The following NT5C1B variants were observed in gnomAD, a reference collection of about 807,000 sequenced individuals.
NT5C1B encodes the protein 5'-nucleotidase, cytosolic IB, also known as cytosolic 5'-nucleotidase 1B.
NT5C1B carries 44 observed loss-of-function variants against 57.8 expected under a neutral mutation model. The ratio of observed to expected loss-of-function variants is 0.76; its 90% CI spans 0.60 to 0.98. NT5C1B has a LOEUF of 0.98. NT5C1B is among the 50% of genes least tolerant of loss of function. The probability of loss-of-function intolerance (pLI) is 0.00; values close to 1 mark genes in which losing one functional copy is unlikely to be tolerated. For missense variants in NT5C1B, 742 were observed against 719.5 expected (o/e 1.03, Z -0.36); for synonymous variants, 284 against 282.6 (o/e 1.00, Z -0.05).
At chr2:18,581,815 G>A (rs1263686520) in intron 6 of NT5C1B, among the ~76,000 whole-genome samples, 1 of 152,118 alleles carries the variant, frequency 6.6e-6, no homozygotes, top group Non-Finnish European at 1.5e-5. Flanking sequence ...ACGGAGATAC[G>A]AATTGCTTTC....
Position 18,584,498 on chromosome 2 carries a change from C to A in NT5C1B, c.723+16G>T, listed in dbSNP as rs557964570. On this transcript the variant is annotated intron_variant, in intron 4 of 8. Transcript: ENST00000304081. The surrounding 1 kb of genome is among the most constrained non-coding windows in gnomAD (Gnocchi z 5.8). Reference sequence around the variant, plus strand: ...GGAAGGGCGCCCCGGCTGCCAGGGGCGGCGGGCTGGCTCACCGGCCAGGGG... The same window carrying A: ...GGAAGGGCGCCCCGGCTGCCAGGGGAGGCGGGCTGGCTCACCGGCCAGGGG... The A allele has an allele frequency of 4.2e-5, 68 of 1,601,754 alleles. 1 individual carries two copies. The South Asian group carries it at 6.9e-4, about 16-fold the overall frequency.
chr2:18,571,845 T>G (rs909927637), intron 8 of NT5C1B, among the ~76,000 whole-genome samples: 6 of 149,140 alleles, frequency 4.0e-5, no homozygotes, highest in African/African-American at 1.5e-4. Context: ...CTCATGCCTG[T>G]AATCCCAGCA....
At position 18,584,655 on chromosome 2, in the gene NT5C1B, G is replaced by C. The variant is rs1290329523; in HGVS notation, c.582C>G (p.Pro194=). Residue 194 remains proline (P), a synonymous_variant, in exon 4 of 9, where the codon CCC becomes CCG. Coordinates refer to ENST00000304081, the Ensembl canonical transcript of NT5C1B. This position sits in a 1 kb window ranked among gnomAD's most constrained non-coding sequence, Gnocchi z 5.8. ...AGTTGCGGTCCAGCTGGGTGGAGGC[G>C]GGGTAGATCCCCCTGCGCTGGCTGG... The C allele has an allele frequency of 3.7e-6, 6 of 1,613,028 alleles. No individual in the cohort carries two copies. The highest frequency in any genetic ancestry group is 5.1e-6 in the Non-Finnish European group (6 of 1,179,566).
Position 18,582,917 on chromosome 2 carries a change from A to G in NT5C1B, c.972T>C (p.Asn324=), listed in dbSNP as rs145263582. Residue 324 remains asparagine, a synonymous_variant, in exon 6 of 9, where the codon AAT becomes AAC. Coordinates refer to ENST00000304081, the Ensembl canonical transcript of NT5C1B. ...GCCGCACTCCCACTTGGGCATGGTT[A>G]TTAGTCATCAGTACAATATCAAATA... is the stretch of plus-strand genomic sequence containing the variant. 4 of 1,613,960 alleles carry G rather than the reference A, an allele frequency of 2.5e-6. No individual in the cohort carries two copies. The African/African-American group carries it at 4.0e-5, about 16-fold the overall frequency.
At chr2:18,580,232 T>C (rs1220700118) in intron 6 of NT5C1B, among the ~76,000 whole-genome samples, 1 of 152,322 alleles carries the variant, frequency 6.6e-6, no homozygotes, top group South Asian at 2.1e-4. Context: ...TGCAGATTTC[T>C]CAACGAATTT....
chr2:18,576,767 T>G lies in NT5C1B; in HGVS notation c.1144+6A>C. On this transcript the variant is annotated splice_donor_region_variant and intron_variant, in intron 7 of 8. Coordinates refer to ENST00000304081, the Ensembl canonical transcript of NT5C1B. ...ATTAACTAGAGGAATAAAATCAGAC[T>G]AATACCTTCTTGTATTGCCTCTTGC... The G allele has an allele frequency of 6.2e-7, 1 of 1,613,392 alleles. No individual in the cohort carries two copies. The highest frequency in any genetic ancestry group is 1.1e-5 in the South Asian group (1 of 90,912).
chr2:18,581,548 A>G (rs948902503), intron 6 of NT5C1B, among the ~76,000 whole-genome samples: 1 of 152,024 alleles, frequency 6.6e-6, no homozygotes. Context: ...GGTCAGGTCC[A>G]TTAACTGTCT....
chr2:18,575,441 CTT>C (rs1665589035), intron 8 of NT5C1B, among the ~76,000 whole-genome samples: 1 of 151,948 alleles, frequency 6.6e-6, no homozygotes, highest in African/African-American at 2.4e-5. Context: ...TTAAGTTTAA[CTT>C]AAGTTCAGGA....
intron 3 of NT5C1B, chr2:18,585,204 A>G (rs1666590937): frequency 1.5e-5 from 12 of 777,250 alleles, no homozygotes; most frequent in South Asian, 4.1e-5. Flanking sequence ...TAGCTTCCCC[A>G]TAAGCATTTC....
At chr2:18,575,403 T>C (rs1462755226) in intron 8 of NT5C1B, among the ~76,000 whole-genome samples, 1 of 152,100 alleles carries the variant, frequency 6.6e-6, no homozygotes, top group Admixed American at 6.5e-5. Context: ...ATTCATACTT[T>C]TATGAATTTA....
At chr2:18,572,883 T>G (rs79057738) in intron 8 of NT5C1B, among the ~76,000 whole-genome samples, 7,736 of 152,280 alleles carry the variant, frequency 0.051, 318 homozygotes, top group Admixed American at 0.11. Context: ...GGGAAAATAA[T>G]TTTACTGTAT....
At chr2:18,570,614 C>A (rs757260108) in intron 8 of NT5C1B, among the ~76,000 whole-genome samples, 19 of 151,940 alleles carry the variant, frequency 1.3e-4, no homozygotes, top group Non-Finnish European at 2.5e-4. Flanking sequence ...AGCCTTCCAA[C>A]AAAGAAAAAA....
intron 6 of NT5C1B, among the ~76,000 whole-genome samples, chr2:18,578,705 C>T (rs988593245): frequency 6.6e-6 from 1 of 152,114 alleles, no homozygotes. Context: ...CAACATCATA[C>T]TGAGTGGGCA....
chr2:18,583,020 T>C, intron 5 of NT5C1B, 23 bp from the exon 6 acceptor site: 1 of 1,608,114 alleles, frequency 6.2e-7, no homozygotes, highest in Non-Finnish European at 8.5e-7. Flanking sequence ...AACATGAATG[T>C]GTGTAAAGAG....
intron 8 of NT5C1B, among the ~76,000 whole-genome samples, chr2:18,570,485 T>G (rs1203422043): frequency 6.6e-6 from 1 of 152,008 alleles, no homozygotes; most frequent in African/African-American, 2.4e-5. Flanking sequence ...ATTCAGTTAT[T>G]TAAATGAACA....
chr2:18,565,233 T>C (rs112130733), intron 8 of NT5C1B, among the ~76,000 whole-genome samples: 23 of 152,228 alleles, frequency 1.5e-4, no homozygotes, highest in Non-Finnish European at 3.1e-4. Flanking sequence ...TTGTACATCA[T>C]ACAAATTTGT....
intron 1 of NT5C1B, 76 bp downstream of exon 1, chr2:18,589,363 G>A (rs1572396691): frequency 6.3e-7 from 1 of 1,596,044 alleles, no homozygotes. Context: ...CAGAGCCTTT[G>A]CAGAGGCAAA....
intron 7 of NT5C1B, 46 bp from the exon 8 acceptor site, chr2:18,576,414 G>T (rs367559631): frequency 1.3e-6 from 2 of 1,562,748 alleles, no homozygotes; most frequent in Non-Finnish European, 1.7e-6. Context: ...AGGTCCATGA[G>T]TTATAGTTTC....
exon 9 of NT5C1B, chr2:18,563,502 A>C: frequency 4.1e-6 from 1 of 245,482 alleles, no homozygotes; most frequent in Non-Finnish European, 7.8e-6. Flanking sequence ...CTTCTAAAAC[A>C]GTGCCTTAAG....
Sources: allele counts gnomAD v4.1 joint callset (sites outside exome capture counted in the v4.1 genomes callset), GRCh38; gene constraint gnomAD v4.1.1; non-coding constraint Gnocchi (gnomAD v3.1); transcripts MANE v1.5; gene names NCBI Gene and HGNC (gene_info 2026-07-23, HGNC 2026-07-21).